The following SLC36A1 variants were observed in gnomAD, a reference collection of about 807,000 sequenced individuals.
SLC36A1 encodes solute carrier family 36 member 1, also known as proton-coupled amino acid transporter 1.
A neutral mutation model predicts 47.5 loss-of-function variants in SLC36A1; 30 were observed. That is an observed-to-expected ratio of 0.63 (90% CI 0.47 to 0.86). SLC36A1 has a LOEUF of 0.86. SLC36A1 is among the 40% of genes least tolerant of loss of function. The probability of loss-of-function intolerance (pLI) is 0.00; values close to 1 mark genes in which losing one functional copy is unlikely to be tolerated. For missense variants in SLC36A1, 517 were observed against 606.0 expected, an observed-to-expected ratio of 0.85 and a Z score of 1.54; for synonymous variants, 255 against 249.7, an observed-to-expected ratio of 1.02 and a Z score of -0.20.
Position 151,476,570 on chromosome 5 carries a change from C to G in SLC36A1, c.823-20C>G, listed in dbSNP as rs760697961. The G allele has an allele frequency of 1.4e-6, 2 of 1,448,704 alleles. No homozygotes were observed. The highest frequency in any genetic ancestry group is 2.8e-5 in the African/African-American group (2 of 70,200). 89.7% of individuals were successfully genotyped at this position (1,448,704 alleles called of 1,614,324 possible). A position where few individuals can be genotyped will look rare whatever the true frequency, so the allele number is the denominator to read the frequency against. On this transcript the variant is annotated intron_variant, in intron 8 of 10. Transcript: ENST00000243389. ...TTCTTTTTTCTGCACTTTCTCTCCT[C>G]TCTCACTACTCTCTCATAGGTTCTG...
the SLC36A1 span, chr5:151,505,539 G>A: frequency 1.2e-5 from 19 of 1,613,348 alleles, no homozygotes; most frequent in East Asian, 1.1e-4. Flanking sequence ...TTGGCCTCCC[G>A]CCTGCCTTGC....
chr5:151,544,715 T>C, the SLC36A1 span: 2 of 1,614,210 alleles, frequency 1.2e-6, no homozygotes, highest in Middle Eastern at 3.3e-4. Flanking sequence ...AGGTGATATT[T>C]ATTTAAAGCT....
the SLC36A1 span, among the ~76,000 whole-genome samples, chr5:151,357,268 A>T: frequency 6.6e-6 from 1 of 152,210 alleles, no homozygotes; most frequent in African/African-American, 2.4e-5. Flanking sequence ...TGGTTGTGTG[A>T]TAATAGGTGG....
the SLC36A1 span, chr5:151,551,661 G>A: frequency 1.9e-6 from 3 of 1,590,512 alleles, no homozygotes; most frequent in Non-Finnish European, 2.6e-6. Flanking sequence ...AGGCAGCATA[G>A]CATAAGATAG....
the SLC36A1 span, among the ~76,000 whole-genome samples, chr5:151,547,786 G>A: frequency 1.3e-5 from 2 of 152,220 alleles, no homozygotes; most frequent in Admixed American, 1.3e-4. Context: ...GCACAAAATT[G>A]TATATTCATT....
At chr5:151,430,188 G>C in the SLC36A1 span, among the ~76,000 whole-genome samples, 11 of 147,996 alleles carry the variant, frequency 7.4e-5, no homozygotes, top group Admixed American at 3.4e-4. Flanking sequence ...TTTCTGAGAC[G>C]GAGTCTTGCT....
chr5:151,376,834 T>C, the SLC36A1 span, among the ~76,000 whole-genome samples: 365 of 152,260 alleles, frequency 2.4e-3, no homozygotes, highest in Non-Finnish European at 4.4e-3. Flanking sequence ...GGTTTCATCA[T>C]ATTGGTCAGG....
chr5:151,505,628 G>C, the SLC36A1 span: 2 of 1,614,122 alleles, frequency 1.2e-6, no homozygotes, highest in South Asian at 2.2e-5. Context: ...CCTCATAGTT[G>C]GGGGGCACCC....
chr5:151,369,763 T>C, the SLC36A1 span, among the ~76,000 whole-genome samples: 5 of 152,222 alleles, frequency 3.3e-5, no homozygotes, highest in African/African-American at 1.2e-4. Context: ...ATTACAGGCA[T>C]AAGCCACTGT....
At chr5:151,432,242 A>G (rs1759396016), upstream of SLC36A1, among the ~76,000 whole-genome samples, 1 of 152,212 alleles carries the variant, frequency 6.6e-6, no homozygotes, top group African/African-American at 2.4e-5. Flanking sequence ...TAAAAATTCA[A>G]CAGTGATAAA....
chr5:151,474,665 C>T (rs1006145288), intron 8 of SLC36A1, among the ~76,000 whole-genome samples: 4 of 152,134 alleles, frequency 2.6e-5, no homozygotes, highest in African/African-American at 7.2e-5. Context: ...GTATTTTCTG[C>T]GTGCAAAAGA....
chr5:151,468,982 G>A (rs1401484997), intron 7 of SLC36A1, among the ~76,000 whole-genome samples: 1 of 151,922 alleles, frequency 6.6e-6, no homozygotes, highest in East Asian at 1.9e-4. Flanking sequence ...AGAAAATCAG[G>A]CTGAGAAAAA....
the SLC36A1 span, chr5:151,543,520 T>A: frequency 6.2e-6 from 10 of 1,614,262 alleles, no homozygotes; most frequent in Non-Finnish European, 7.6e-6. Flanking sequence ...AGTGGCAATC[T>A]GGCCATTGGG....
At chr5:151,457,854 G>T (rs1190672594) in intron 1 of SLC36A1, among the ~76,000 whole-genome samples, 13 of 143,638 alleles carry the variant, frequency 9.1e-5, no homozygotes, top group Admixed American at 4.1e-4. Context: ...TTGTTTGTTT[G>T]TTTTTTTTTT....
At chr5:151,349,794 G>T in the SLC36A1 span, among the ~76,000 whole-genome samples, 3 of 152,154 alleles carry the variant, frequency 2.0e-5, no homozygotes, top group African/African-American at 7.2e-5. Flanking sequence ...TTAAAACGTG[G>T]TGTGTATCAA....
chr5:151,495,543 G>A (rs2127557901), downstream of SLC36A1, among the ~76,000 whole-genome samples: 1 of 152,176 alleles, frequency 6.6e-6, no homozygotes, highest in South Asian at 2.1e-4. Flanking sequence ...GTGTGTGTGT[G>A]TTTGTGTATA....
At chr5:151,368,996 G>A in the SLC36A1 span, among the ~76,000 whole-genome samples, 1 of 152,160 alleles carries the variant, frequency 6.6e-6, no homozygotes, top group African/African-American at 2.4e-5. Flanking sequence ...GCTGGTGAAG[G>A]ACATGCTAAC....
the SLC36A1 span, among the ~76,000 whole-genome samples, chr5:151,427,265 A>G: frequency 1.3e-5 from 2 of 152,232 alleles, no homozygotes. Context: ...TATACACATT[A>G]TATATACATG....
At chr5:151,505,914 T>A in the SLC36A1 span, 1 of 1,589,496 alleles carries the variant, frequency 6.3e-7, no homozygotes, top group East Asian at 2.2e-5. Flanking sequence ...TGCCCGCTTG[T>A]TTTCCATCTC....
Sources: gnomAD v4.1 joint callset for allele counts (sites outside exome capture counted in the v4.1 genomes callset) on GRCh38, gnomAD v4.1.1 for gene constraint, MANE v1.5 for transcripts, NCBI Gene and HGNC (gene_info 2026-07-23, HGNC 2026-07-21) for gene names.